Variants in SLC22A11 observed in about 807,000 individuals in gnomAD.
The protein encoded by SLC22A11 is organic anion transporter 4.
SLC22A11 carries 42 observed loss-of-function variants against 49.4 expected under a neutral mutation model. That is an observed-to-expected ratio of 0.85 (90% CI 0.66 to 1.10). The LOEUF is 1.10. Ranked by LOEUF, SLC22A11 falls within the 50% of genes least tolerant of loss-of-function variation. SLC22A11 has a pLI of 0.00. For missense variants in SLC22A11, 685 were observed against 731.6 expected, an observed-to-expected ratio of 0.94 and a Z score of 0.74; for synonymous variants, 304 against 315.8, an observed-to-expected ratio of 0.96 and a Z score of 0.40.
At chr11:64,569,277 A>T (rs1310520531) in intron 8 of SLC22A11, among the ~76,000 whole-genome samples, 1 of 152,192 alleles carries the variant, frequency 6.6e-6, no homozygotes, top group Non-Finnish European at 1.5e-5. Flanking sequence ...AGCTCTCCAG[A>T]CTTTTAGCCC....
In SLC22A11 at chr11:64,567,807, C is replaced by T. The variant is rs747211035; in HGVS notation, c.1267C>T (p.Pro423Ser). 1.3e-6 allele frequency: 2 copies of T among 1,593,000 alleles called. No homozygotes were observed. The highest frequency in any genetic ancestry group is 2.2e-5 in the South Asian group (2 of 89,346). The part of the protein sequence containing the change: ...GLAILANMLV[P>S]QDLQTLRVVF... The stretch of plus-strand genomic sequence containing the variant: ...CGCCATTCTAGCCAACATGCTGGTG[C>T]CGCAAGGTGAGGCAGGCGGACTGGG... Residue 423 changes from proline to serine, a missense_variant, in exon 7 of 10, where the codon CCG (proline) becomes TCG (serine). Pro to Ser is a moderately conservative substitution (Grantham distance 74). Transcript: ENST00000301891.
Position 64,564,055 on chromosome 11 carries a change from G to T in SLC22A11, c.822-253G>T, listed in dbSNP as rs1246456024. Among the ~76,000 whole-genome samples the T allele has an allele frequency of 6.6e-6, 1 of 152,180 alleles. No individual in the cohort carries two copies. Among genetic ancestry groups the T allele is most frequent in the Non-Finnish European group, 1.5e-5 (1 of 68,008 alleles). Reference sequence around the variant, plus strand: ...CTGGCTGTGTGCAGGGCTCAGGTGGGCAGGCCCCGGGCAGCCAGGCGAGCC... The same window carrying T: ...CTGGCTGTGTGCAGGGCTCAGGTGGTCAGGCCCCGGGCAGCCAGGCGAGCC... On this transcript the variant is annotated intron_variant, in intron 4 of 9. Coordinates refer to ENST00000301891, the MANE Select transcript of SLC22A11 (RefSeq NM_018484.4). The surrounding 1 kb of genome is among the most constrained non-coding windows in gnomAD (Gnocchi z 4.2).
In SLC22A11 at chr11:64,565,920, G is replaced by A. The variant is rs1007525042; in HGVS notation, c.1058+583G>A. ...GCGCGACCAGACCCTGGCCCTCCCCGGGACCCAAGGTCATCTGGGCCCAGG... is the reference window on the plus strand; with the variant it reads ...GCGCGACCAGACCCTGGCCCTCCCCAGGACCCAAGGTCATCTGGGCCCAGG... On this transcript the variant is annotated intron_variant, in intron 6 of 9. Coordinates refer to ENST00000301891, the MANE Select transcript of SLC22A11 (RefSeq NM_018484.4). This position sits in a 1 kb window ranked among gnomAD's most constrained non-coding sequence, Gnocchi z 4.1. The A allele has an allele frequency of 1.5e-5, 3 of 197,272 alleles. No individual in the cohort carries two copies. Among genetic ancestry groups the A allele is most frequent in the African/African-American group, 2.3e-5 (1 of 43,732 alleles). 12.2% of individuals were successfully genotyped at this position (197,272 alleles called of 1,614,324 possible).
chr11:64,559,396 C>G (rs1037327272), intron 2 of SLC22A11, among the ~76,000 whole-genome samples, 158 bp downstream of exon 2: 1 of 152,156 alleles, frequency 6.6e-6, no homozygotes, highest in African/African-American at 2.4e-5. Flanking sequence ...CCGAACCAAC[C>G]CACAGGCTGT....
Position 64,565,663 on chromosome 11 carries a change from G to A in SLC22A11, c.1058+326G>A, listed in dbSNP as rs547243284. 9 of 449,588 alleles carry A rather than the reference G, an allele frequency of 2.0e-5. No homozygotes were observed. The highest frequency in any genetic ancestry group is 1.8e-4 in the East Asian group (3 of 16,540). 27.8% of individuals were successfully genotyped at this position (449,588 alleles called of 1,614,324 possible). A position where few individuals can be genotyped will look rare whatever the true frequency, so the allele number is the denominator to read the frequency against. On this transcript the variant is annotated intron_variant, in intron 6 of 9. Transcript: ENST00000301891. The surrounding 1 kb of genome is among the most constrained non-coding windows in gnomAD (Gnocchi z 4.1). ...TCCCTAGAGCCAGGGGACCAGCCAC[G>A]GCCGAGGAGTACCACTGTGTGTCAT...
chr11:64,567,549 G>A, intron 6 of SLC22A11, 50 bp from the exon 7 acceptor site: 1 of 1,561,704 alleles, frequency 6.4e-7, no homozygotes, highest in South Asian at 1.1e-5. Context: ...TGCTGTTGGG[G>A]TGCCCTCTCC....
rs910890710 is a variant in SLC22A11 at position 64,569,876 on chromosome 11, C to T, written c.1589+18C>T. The T allele has an allele frequency of 1.2e-6, 2 of 1,609,934 alleles. No individual in the cohort carries two copies. The highest frequency in any genetic ancestry group is 2.7e-5 in the African/African-American group (2 of 74,902). On this transcript the variant is annotated intron_variant, in intron 9 of 9. Coordinates refer to ENST00000301891, the MANE Select transcript of SLC22A11 (RefSeq NM_018484.4). ...GAGAGCCAGTGAGTGACCTGTGATC[C>T]CTGGGCATCGGGCTGGGCTTCCTCC...
Position 64,565,394 on chromosome 11 carries a change from C to G in SLC22A11, c.1058+57C>G, listed in dbSNP as rs1218274224. ...GGGCTGGGACAGGCAGGAGGCAGAG[C>G]TGGGACAGGCAGGAGGCAGAGCGTC... is the stretch of plus-strand genomic sequence containing the variant. On this transcript the variant is annotated intron_variant, in intron 6 of 9. Coordinates refer to ENST00000301891, the MANE Select transcript of SLC22A11 (RefSeq NM_018484.4). This position sits in a 1 kb window ranked among gnomAD's most constrained non-coding sequence, Gnocchi z 4.1. 1 of 1,400,712 alleles carries G rather than the reference C, an allele frequency of 7.1e-7. No homozygotes were observed. Among genetic ancestry groups the G allele is most frequent in the Non-Finnish European group, 9.8e-7 (1 of 1,020,934 alleles). The allele number at this position is 1,400,712 out of a possible 1,614,324, so 86.8% of individuals were successfully genotyped here. A position where few individuals can be genotyped will look rare whatever the true frequency, so the allele number is the denominator to read the frequency against.
rs2038593746 is a variant in SLC22A11 at position 64,564,363 on chromosome 11, C to T, written c.877C>T (p.Leu293Phe). The T allele has an allele frequency of 3.7e-6, 6 of 1,614,016 alleles. No homozygotes were observed. Among genetic ancestry groups the T allele is most frequent in the African/African-American group, 1.3e-5 (1 of 74,912 alleles). ...TATTAAGGGCAAACCAGACCAAGCA[C>T]TTCAGGAGCTCAGAAAGGTGGCCAG... ...LIIKGKPDQA[L>F]QELRKVARIN... is the part of the protein sequence containing the mutation. Residue 293 changes from leucine (L) to phenylalanine (F), a missense_variant, in exon 5 of 10, where the codon CTT becomes TTT. Coordinates refer to ENST00000301891, the MANE Select transcript of SLC22A11 (RefSeq NM_018484.4). The surrounding 1 kb of genome is among the most constrained non-coding windows in gnomAD (Gnocchi z 4.2).
At chr11:64,570,756 A>G (rs11231822) in intron 9 of SLC22A11, among the ~76,000 whole-genome samples, 82,635 of 152,098 alleles carry the variant, frequency 0.54, 24,218 homozygotes, top group African/African-American at 0.73. Flanking sequence ...GGACACCTGC[A>G]GAGACCCGGA....
chr11:64,564,375 A>G lies in SLC22A11; in HGVS notation c.889A>G (p.Arg297Gly), dbSNP rs778188424. The G allele has an allele frequency of 1.9e-6, 3 of 1,613,704 alleles. No homozygotes were observed. Among genetic ancestry groups the G allele is most frequent in the South Asian group, 1.1e-5 (1 of 91,078 alleles). The change falls in exon 5 of 10, where the codon AGA (arginine) becomes GGA (glycine). Residue 297 changes from arginine (R) to glycine (G), a missense_variant. Physicochemically the swap from Arg to Gly is moderately radical, Grantham distance 125 (BLOSUM62 -2). Coordinates refer to ENST00000301891, the MANE Select transcript of SLC22A11 (RefSeq NM_018484.4). This position sits in a 1 kb window ranked among gnomAD's most constrained non-coding sequence, Gnocchi z 4.2. ...GKPDQALQEL[R>G]KVARINGHKE... ...ACCAGACCAAGCACTTCAGGAGCTC[A>G]GAAAGGTGGCCAGGATAAATGGCCA...
chr11:64,559,226 T>C lies in SLC22A11; in HGVS notation c.485T>C (p.Leu162Pro). The C allele has an allele frequency of 6.2e-7, 1 of 1,605,808 alleles. No homozygotes were observed. The highest frequency in any genetic ancestry group is 8.5e-7 in the Non-Finnish European group (1 of 1,174,942). ...GILVGSFIWGLLSYRFGRKPM... is the reference protein window; with the variant it reads ...GILVGSFIWGPLSYRFGRKPM... ...CTGGTGGGCTCCTTTATCTGGGGCCTCCTCTCCTACCGGTGAGTGCCTCCG... is the reference window on the plus strand; with the variant it reads ...CTGGTGGGCTCCTTTATCTGGGGCCCCCTCTCCTACCGGTGAGTGCCTCCG... Residue 162 changes from leucine to proline, a missense_variant, in exon 2 of 10, where the codon CTC becomes CCC. Transcript: ENST00000301891.
Position 64,561,998 on chromosome 11 carries a change from T to A in SLC22A11, c.498-6T>A. The stretch of plus-strand genomic sequence containing the variant: ...CCAGGCCCCGTGTGCTTCTCTCCTG[T>A]GACAGGTTTGGGAGGAAGCCGATGC... On this transcript the variant is annotated splice_region_variant and splice_polypyrimidine_tract_variant and intron_variant, in intron 2 of 9. Coordinates refer to ENST00000301891, the MANE Select transcript of SLC22A11 (RefSeq NM_018484.4). 6.2e-7 allele frequency: 1 copy of A among 1,610,404 alleles called. No individual in the cohort carries two copies. The highest frequency in any genetic ancestry group is 8.5e-7 in the Non-Finnish European group (1 of 1,177,882).
intron 8 of SLC22A11, 32 bp from the exon 9 acceptor site, chr11:64,569,620 A>G (rs773377856): frequency 1.3e-6 from 2 of 1,592,770 alleles, no homozygotes; most frequent in Non-Finnish European, 1.7e-6. Context: ...GCCAGCTGTT[A>G]CAGGGATCTG....
intron 2 of SLC22A11, among the ~76,000 whole-genome samples, chr11:64,561,208 AC>A (rs2135421496): frequency 6.6e-6 from 1 of 152,130 alleles, no homozygotes; most frequent in East Asian, 1.9e-4. Flanking sequence ...CCCCATGAGC[AC>A]CCCCTTCACA....
In SLC22A11 at chr11:64,564,991, C is replaced by A. The variant is rs1303368746; in HGVS notation, c.943-231C>A. Among the ~76,000 whole-genome samples the A allele has an allele frequency of 6.6e-6, 1 of 152,228 alleles. No homozygotes were observed. The highest frequency in any genetic ancestry group is 1.5e-5 in the Non-Finnish European group (1 of 68,028). On this transcript the variant is annotated intron_variant, in intron 5 of 9. Transcript: ENST00000301891. This position sits in a 1 kb window ranked among gnomAD's most constrained non-coding sequence, Gnocchi z 4.2. ...ATAAGGGAAGGCTTCCAGAAGGAGGCAAGCTAGAGCTGAGAGGACCAGGGC... is the reference window on the plus strand; with the variant it reads ...ATAAGGGAAGGCTTCCAGAAGGAGGAAAGCTAGAGCTGAGAGGACCAGGGC...
chr11:64,559,846 C>T (rs1591372756), intron 2 of SLC22A11, among the ~76,000 whole-genome samples: 1 of 152,258 alleles, frequency 6.6e-6, no homozygotes, highest in Middle Eastern at 3.4e-3. Context: ...CAGGGCCAGC[C>T]GGCAGGACTG....
At chr11:64,563,506 C>A (rs2038578574) in intron 4 of SLC22A11, among the ~76,000 whole-genome samples, 1 of 149,288 alleles carries the variant, frequency 6.7e-6, no homozygotes, top group Non-Finnish European at 1.5e-5. Context: ...CTGTGCCTTC[C>A]ACCAGGAAAG....
chr11:64,569,907 C>A, intron 9 of SLC22A11, 49 bp downstream of exon 9: 1 of 1,587,122 alleles, frequency 6.3e-7, no homozygotes, highest in South Asian at 1.1e-5. Context: ...CCTCCTGGGC[C>A]AAGATGGAGA....
Sources: gnomAD v4.1 joint callset for allele counts (sites outside exome capture counted in the v4.1 genomes callset) on GRCh38, gnomAD v4.1.1 for gene constraint, Gnocchi (gnomAD v3.1) non-coding constraint, MANE v1.5 for transcripts, NCBI Gene and HGNC (gene_info 2026-07-23, HGNC 2026-07-21) for gene names.